DYNC2H1: variants seen among roughly 807,000 people sequenced by gnomAD.
DYNC2H1 encodes the protein dynein cytoplasmic 2 heavy chain 1.
In DYNC2H1, 410 loss-of-function variants were observed where a neutral mutation model predicts 570.0. The observed-to-expected ratio is 0.72, with a 90% confidence interval of 0.66 to 0.78. The LOEUF (loss-of-function observed/expected upper bound fraction) is 0.78. Among genes scored for constraint, DYNC2H1 ranks in the 30% least tolerant of loss-of-function variants. The probability of loss-of-function intolerance (pLI) is 0.00; values close to 1 mark genes in which losing one functional copy is unlikely to be tolerated. For synonymous variants in DYNC2H1, 1,688 were observed against 1,677.6 expected (o/e 1.01, Z -0.15); for missense variants, 4,865 against 5,046.4 (o/e 0.96, Z 1.09).
intron 84 of DYNC2H1, chr11:103,402,457 G>A (rs532441071): frequency 6.6e-6 from 1 of 152,084 alleles, no homozygotes; most frequent in African/African-American, 2.4e-5. Flanking sequence ...CAAGCCTAGG[G>A]TTAAAAGAGT....
chr11:103,332,595 C>G (rs72975702), intron 82 of DYNC2H1, among the ~76,000 whole-genome samples: 10,364 of 152,236 alleles, frequency 0.068, 367 homozygotes, highest in Non-Finnish European at 0.077. Context: ...CAGCTTTTTC[C>G]TCAGAAGCCA....
intron 78 of DYNC2H1, among the ~76,000 whole-genome samples, chr11:103,308,618 C>T (rs779748652): frequency 6.6e-6 from 1 of 152,148 alleles, no homozygotes; most frequent in Non-Finnish European, 1.5e-5. Flanking sequence ...TTCCCACTAG[C>T]ACTGAACAAT....
intron 84 of DYNC2H1, among the ~76,000 whole-genome samples, chr11:103,408,890 G>A (rs943957869): frequency 2.0e-5 from 3 of 152,008 alleles, no homozygotes; most frequent in Admixed American, 6.6e-5. Flanking sequence ...GGGTTAGGGC[G>A]AGTTTCTATT....
chr11:103,350,835 C>G (rs555766875), intron 82 of DYNC2H1, among the ~76,000 whole-genome samples: 1 of 152,184 alleles, frequency 6.6e-6, no homozygotes, highest in African/African-American at 2.4e-5. Flanking sequence ...GATCAGGCCC[C>G]GAACCCCTAT....
intron 47 of DYNC2H1, among the ~76,000 whole-genome samples, chr11:103,195,530 G>A (rs1862481293): frequency 6.6e-6 from 1 of 152,216 alleles, no homozygotes; most frequent in Non-Finnish European, 1.5e-5. Flanking sequence ...GTACCACACT[G>A]TCTTGATTAG....
chr11:103,353,080 A>G (rs1322993390), intron 82 of DYNC2H1, among the ~76,000 whole-genome samples: 1 of 152,186 alleles, frequency 6.6e-6, no homozygotes, highest in East Asian at 1.9e-4. Context: ...TCTCCTTCAT[A>G]AGTGGGAGTT....
chr11:103,178,136 A>G (rs1037875972), intron 38 of DYNC2H1, among the ~76,000 whole-genome samples: 10 of 152,264 alleles, frequency 6.6e-5, no homozygotes, highest in African/African-American at 1.9e-4. Context: ...AATAAACAAG[A>G]TGACAGATTT....
intron 40 of DYNC2H1, among the ~76,000 whole-genome samples, chr11:103,183,805 C>T (rs1206501191): frequency 2.0e-5 from 3 of 151,810 alleles, no homozygotes; most frequent in African/African-American, 7.3e-5. Context: ...GCTCTTCCTC[C>T]TATTTCTTCT....
intron 66 of DYNC2H1, 81 bp from the exon 67 acceptor site, chr11:103,255,334 A>G: frequency 6.9e-7 from 1 of 1,450,542 alleles, no homozygotes. Flanking sequence ...AGTCTGTCAA[A>G]CACAAGGCCT....
rs1429708573 is a variant in DYNC2H1, at chr11:103,203,772, A to G, written c.8307A>G (p.Thr2769=). 34 of 1,586,362 alleles carry G rather than the reference A, an allele frequency of 2.1e-5. No individual in the cohort carries two copies. Among genetic ancestry groups the G allele is most frequent in the Non-Finnish European group, 2.6e-5 (30 of 1,160,528 alleles). Residue 2769 remains threonine (T), a synonymous_variant, in exon 51 of 89, where the codon ACA becomes ACG. Transcript: ENST00000375735. The surrounding 1 kb of genome is among the most constrained non-coding windows in gnomAD (Gnocchi z 4.7). ...GFFGPVFNYF[T]YRIQQNLHIV... ...TTGGACCAGTCTTCAATTACTTCAC[A>G]TATAGTAAGTGACATAGAATTCATT...
At chr11:103,120,641 A>G (rs1268330100) in intron 7 of DYNC2H1, 48 bp from the exon 8 acceptor site, 1 of 1,596,510 alleles carries the variant, frequency 6.3e-7, no homozygotes, top group South Asian at 1.1e-5. Context: ...CTTTTTAAAG[A>G]CAGATTTAAA....
intron 82 of DYNC2H1, among the ~76,000 whole-genome samples, chr11:103,350,011 T>C (rs1939966633): frequency 6.6e-6 from 1 of 152,186 alleles, no homozygotes; most frequent in South Asian, 2.1e-4. Context: ...TGTCTCATTT[T>C]AACATGTTGG....
rs563044169 is a variant in DYNC2H1, at chr11:103,201,552, A to G, written c.8197+1398A>G. Among the ~76,000 whole-genome samples, 1 of 152,282 alleles carries G rather than the reference A, an allele frequency of 6.6e-6. No individual in the cohort carries two copies. The highest frequency in any genetic ancestry group is 2.1e-4 in the South Asian group (1 of 4,828). On this transcript the variant is annotated intron_variant, in intron 50 of 88. Coordinates refer to ENST00000375735, the MANE Select transcript of DYNC2H1 (RefSeq NM_001377.3). This position sits in a 1 kb window ranked among gnomAD's most constrained non-coding sequence, Gnocchi z 4.8. ...TTTGCTACTACCCTAAATCCATTGA[A>G]TTAAAATCTCTGGGGTATGGTGGGA...
At position 103,275,875 on chromosome 11, in the gene DYNC2H1, A is replaced by C. The variant is rs185054746; in HGVS notation, c.10696-4473A>C. ...ATAACATTTCAACACATTTAGGTAA[A>C]TACCAAGGAAGGCAATTTCTGGATC... On this transcript the variant is annotated intron_variant, in intron 70 of 88. Transcript: ENST00000375735. The surrounding 1 kb of genome is among the most constrained non-coding windows in gnomAD (Gnocchi z 4.8). 4.5e-3 allele frequency among the ~76,000 whole-genome samples: 687 copies of C among 152,282 alleles called. 3 individuals are homozygous for C. The highest frequency in any genetic ancestry group is 0.02 in the Middle Eastern group (6 of 294).
At chr11:103,176,134 A>G (rs1235752599) in intron 36 of DYNC2H1, 101 bp from the exon 37 acceptor site, 1 of 858,358 alleles carries the variant, frequency 1.2e-6, no homozygotes, top group East Asian at 3.1e-5. Flanking sequence ...ATTCTAGTGC[A>G]TTTAATGATT....
At chr11:103,220,464 T>C (rs893798550) in intron 56 of DYNC2H1, among the ~76,000 whole-genome samples, 159 bp from the exon 57 acceptor site, 2 of 152,214 alleles carry the variant, frequency 1.3e-5, no homozygotes, top group Non-Finnish European at 2.9e-5. Context: ...GAACATTTTT[T>C]ACACCTTGTA....
In DYNC2H1 at chr11:103,243,666, C is replaced by T. The variant is rs753706985; in HGVS notation, c.9820-27C>T. On this transcript the variant is annotated intron_variant, in intron 63 of 88. Coordinates refer to ENST00000375735, the MANE Select transcript of DYNC2H1 (RefSeq NM_001377.3). The surrounding 1 kb of genome is among the most constrained non-coding windows in gnomAD (Gnocchi z 4.8). ...ATGAAAGCTTATAATCATTAAAAAA[C>T]ATTACTTTTCCTTTTTTTTATACTA... 8.2e-6 allele frequency: 12 copies of T among 1,470,768 alleles called. No homozygotes were observed. Among genetic ancestry groups the T allele is most frequent in the Admixed American group, 7.6e-5 (4 of 52,402 alleles). The allele number at this position is 1,470,768 out of a possible 1,614,324, so 91.1% of individuals were successfully genotyped here.
chr11:103,233,778 G>A (rs1864105998), intron 60 of DYNC2H1, among the ~76,000 whole-genome samples: 2 of 151,090 alleles, frequency 1.3e-5, no homozygotes, highest in African/African-American at 4.9e-5. Context: ...ATATAATGCA[G>A]TACAGCACGG....
chr11:103,169,354 T>C (rs1292947632), intron 32 of DYNC2H1, among the ~76,000 whole-genome samples: 1 of 152,172 alleles, frequency 6.6e-6, no homozygotes, highest in African/African-American at 2.4e-5. Flanking sequence ...TTGCTAAATA[T>C]TTTTTAGTTT....
Sources: allele counts gnomAD v4.1 joint callset (sites outside exome capture counted in the v4.1 genomes callset), GRCh38; gene constraint gnomAD v4.1.1; non-coding constraint Gnocchi (gnomAD v3.1); transcripts MANE v1.5; gene names NCBI Gene and HGNC (gene_info 2026-07-23, HGNC 2026-07-21).